Variants in PLCB4 observed in about 807,000 individuals in gnomAD.
The protein encoded by PLCB4 is phospholipase C beta 4.
PLCB4 carries 77 observed loss-of-function variants against 178.8 expected under a neutral mutation model. The ratio of observed to expected loss-of-function variants is 0.43; its 90% CI spans 0.36 to 0.52. The LOEUF (loss-of-function observed/expected upper bound fraction) is 0.52. PLCB4 is among the 20% of genes least tolerant of loss of function. The pLI is 0.00. For synonymous variants in PLCB4, 496 were observed against 490.8 expected (o/e 1.01, Z -0.14); for missense variants, 1,024 against 1,453.4 (o/e 0.70, Z 4.80).
chr20:9,236,313 G>A (rs563794393), intron 3 of PLCB4, among the ~76,000 whole-genome samples: 201 of 152,148 alleles, frequency 1.3e-3, no homozygotes, highest in Middle Eastern at 0.01. Flanking sequence ...GCCAACCGCC[G>A]CCTTCCAGAA....
chr20:9,394,316 A>G (rs1033137887), intron 18 of PLCB4, among the ~76,000 whole-genome samples: 1 of 152,184 alleles, frequency 6.6e-6, no homozygotes, highest in Non-Finnish European at 1.5e-5. Context: ...CAAAAGCAAT[A>G]ATGCCATAGA....
chr20:9,431,752 C>T (rs573489973), intron 28 of PLCB4, among the ~76,000 whole-genome samples: 1 of 151,824 alleles, frequency 6.6e-6, no homozygotes, highest in East Asian at 1.9e-4. Context: ...TCAAATGATC[C>T]ACCCACCTCA....
rs530336646 is a variant in PLCB4, at chr20:9,079,400, G to A, written c.-135+10194G>A. Among the ~76,000 whole-genome samples, 127 of 152,308 alleles carry A rather than the reference G, an allele frequency of 8.3e-4. 1 individual carries two copies. Among genetic ancestry groups the A allele is most frequent in the Non-Finnish European group, 1.4e-3 (98 of 68,016 alleles). ...CTCTAAGGAAGGGGCAAGAAAGGCTGACAAGAGCTGTATCCCTTTCTAGAG... is the reference window on the plus strand; with the variant it reads ...CTCTAAGGAAGGGGCAAGAAAGGCTAACAAGAGCTGTATCCCTTTCTAGAG... On this transcript the variant is annotated intron_variant, in intron 1 of 39. Transcript: ENST00000378473.
chr20:9,468,878 C>T (rs2043984948), intron 36 of PLCB4, among the ~76,000 whole-genome samples: 1 of 152,170 alleles, frequency 6.6e-6, no homozygotes, highest in Non-Finnish European at 1.5e-5. Context: ...CTTACTACCA[C>T]CAGTAAAATT....
chr20:9,159,483 A>G (rs1265116022), intron 2 of PLCB4, among the ~76,000 whole-genome samples: 2 of 152,230 alleles, frequency 1.3e-5, no homozygotes, highest in Non-Finnish European at 2.9e-5. Flanking sequence ...TTGTGTGATA[A>G]GAGGGATCTT....
At chr20:9,187,620 C>G (rs2093347359) in intron 2 of PLCB4, among the ~76,000 whole-genome samples, 1 of 152,150 alleles carries the variant, frequency 6.6e-6, no homozygotes, top group Non-Finnish European at 1.5e-5. Flanking sequence ...TGAATGGGCT[C>G]TGGAAATAAA....
intron 3 of PLCB4, among the ~76,000 whole-genome samples, chr20:9,273,371 G>A (rs1444178164): frequency 6.6e-6 from 1 of 152,058 alleles, no homozygotes; most frequent in Non-Finnish European, 1.5e-5. Flanking sequence ...TGAGGAAACT[G>A]AAATACGGAG....
At chr20:9,304,235 GT>G (rs199881431) in intron 3 of PLCB4, among the ~76,000 whole-genome samples, 3,062 of 151,386 alleles carry the variant, frequency 0.02, 104 homozygotes, top group African/African-American at 0.07. Flanking sequence ...ATGTATGTGT[GT>G]GTGGGGGGGT....
chr20:9,365,197 T>C (rs1307891521), intron 8 of PLCB4, among the ~76,000 whole-genome samples: 3 of 152,202 alleles, frequency 2.0e-5, no homozygotes, highest in Non-Finnish European at 4.4e-5. Flanking sequence ...TATTTTAGTA[T>C]AAGTATATCC....
At chr20:9,170,979 AG>A (rs1331396620) in intron 2 of PLCB4, among the ~76,000 whole-genome samples, 1 of 152,212 alleles carries the variant, frequency 6.6e-6, no homozygotes, top group East Asian at 1.9e-4. Flanking sequence ...GGGGCTGTAA[AG>A]TGCTCACATT....
At chr20:9,321,566 G>A (rs1222330811) in intron 4 of PLCB4, among the ~76,000 whole-genome samples, 1 of 152,114 alleles carries the variant, frequency 6.6e-6, no homozygotes, top group Non-Finnish European at 1.5e-5. Context: ...TGGGAAGACT[G>A]TATTTTTCAT....
At chr20:9,438,094 C>T (rs2041884539) in intron 30 of PLCB4, among the ~76,000 whole-genome samples, 1 of 151,950 alleles carries the variant, frequency 6.6e-6, no homozygotes, top group African/African-American at 2.4e-5. Context: ...AGGCCAGGTG[C>T]AGTGGCTCAT....
intron 1 of PLCB4, among the ~76,000 whole-genome samples, chr20:9,076,641 G>A (rs1190493920): frequency 6.6e-6 from 1 of 152,140 alleles, no homozygotes; most frequent in Non-Finnish European, 1.5e-5. Context: ...ATAGAATACA[G>A]ATCTGTTCCT....
At chr20:9,188,547 C>G (rs77088876) in intron 2 of PLCB4, among the ~76,000 whole-genome samples, 24 of 76,130 alleles carry the variant, frequency 3.2e-4, no homozygotes, top group East Asian at 7.7e-4. Context: ...GGTTGGTTAA[C>G]TGTTCATTGT....
At chr20:9,252,812 C>G (rs370060507) in intron 3 of PLCB4, among the ~76,000 whole-genome samples, 162 of 152,228 alleles carry the variant, frequency 1.1e-3, no homozygotes, top group African/African-American at 3.7e-3. Flanking sequence ...ACATCCATTT[C>G]CTCCTGTCTT....
intron 2 of PLCB4, among the ~76,000 whole-genome samples, chr20:9,121,252 A>C (rs558252384): frequency 2.8e-4 from 42 of 152,126 alleles, no homozygotes; most frequent in Non-Finnish European, 5.6e-4. Context: ...TTAGTCCCTG[A>C]TATGGAATAT....
At chr20:9,073,005 C>T (rs1205269876) in intron 1 of PLCB4, among the ~76,000 whole-genome samples, 5 of 152,172 alleles carry the variant, frequency 3.3e-5, no homozygotes, top group African/African-American at 1.2e-4. Flanking sequence ...GTTATCTTCT[C>T]CCCTTTCCTG....
At chr20:9,279,993 T>C (rs923840127) in intron 3 of PLCB4, among the ~76,000 whole-genome samples, 16 of 152,060 alleles carry the variant, frequency 1.1e-4, no homozygotes, top group Non-Finnish European at 2.2e-4. Flanking sequence ...TTAGGGTGTT[T>C]CATGTTTTCC....
chr20:9,357,994 C>T (rs2034993588), intron 7 of PLCB4, among the ~76,000 whole-genome samples: 1 of 152,148 alleles, frequency 6.6e-6, no homozygotes, highest in South Asian at 2.1e-4. Flanking sequence ...ATTCTGATTC[C>T]ATGGTTCTGG....
Sources: allele counts gnomAD v4.1 joint callset (sites outside exome capture counted in the v4.1 genomes callset), GRCh38; gene constraint gnomAD v4.1.1; transcripts MANE v1.5; gene names NCBI Gene and HGNC (gene_info 2026-07-23, HGNC 2026-07-21).